The following NEB variants were observed in gnomAD, a reference collection of about 807,000 sequenced individuals.
NEB encodes the protein nemaline myopathy type 2.
In NEB, 512 loss-of-function variants were observed where a neutral mutation model predicts 952.2. The ratio of observed to expected loss-of-function variants is 0.54; its 90% CI spans 0.50 to 0.58. The LOEUF is 0.58. Among genes scored for constraint, NEB ranks in the 20% least tolerant of loss-of-function variants. NEB has a pLI of 0.00. For synonymous variants in NEB, 2,900 were observed against 3,149.8 expected (o/e 0.92, Z 2.66); for missense variants, 8,428 against 9,231.1 (o/e 0.91, Z 3.56).
At position 151,692,241 on chromosome 2, in the gene NEB, G is replaced by C. The variant is rs749649342; in HGVS notation, c.1998+20C>G. ...GTAGGAAAGCCCTCCTACCCGAAAGGTAACCGTGGCTTTTCGAACCTCACT... is the reference window on the plus strand; with the variant it reads ...GTAGGAAAGCCCTCCTACCCGAAAGCTAACCGTGGCTTTTCGAACCTCACT... On this transcript the variant is annotated intron_variant, in intron 21 of 181. Transcript: ENST00000397345. 6.2e-7 allele frequency: 1 copy of C among 1,611,208 alleles called. No homozygotes were observed. Among genetic ancestry groups the C allele is most frequent in the Non-Finnish European group, 8.5e-7 (1 of 1,177,426 alleles).
At chr2:151,488,847 G>T (rs2053560494) in intron 181 of NEB, among the ~76,000 whole-genome samples, 1 of 151,886 alleles carries the variant, frequency 6.6e-6, no homozygotes, top group African/African-American at 2.4e-5. Flanking sequence ...TTCTTTTAGG[G>T]TCTGTTTCTG....
chr2:151,654,227 G>A, intron 51 of NEB, 128 bp from the exon 52 acceptor site: 1 of 494,726 alleles, frequency 2.0e-6, no homozygotes. Context: ...TTAAAGATAT[G>A]GATAAAAATA....
intron 161 of NEB, among the ~76,000 whole-genome samples, chr2:151,510,873 C>T (rs2073701694): frequency 6.6e-6 from 1 of 152,116 alleles, no homozygotes; most frequent in Non-Finnish European, 1.5e-5. Flanking sequence ...TGTATTAACC[C>T]CCAAGTATGA....
chr2:151,638,135 G>T (rs976880968), intron 63 of NEB, among the ~76,000 whole-genome samples: 3 of 152,140 alleles, frequency 2.0e-5, no homozygotes, highest in East Asian at 1.9e-4. Flanking sequence ...ATTACCAAAC[G>T]CATAAATGCA....
chr2:151,635,772 C>T (rs1179998840), intron 64 of NEB, among the ~76,000 whole-genome samples: 1 of 151,854 alleles, frequency 6.6e-6, no homozygotes, highest in Non-Finnish European at 1.5e-5. Flanking sequence ...TGATCAACTG[C>T]CTTCTTTTCA....
chr2:151,576,486 A>T, intron 105 of NEB, 132 bp from the exon 106 acceptor site: 1 of 36,676 alleles, frequency 2.7e-5, no homozygotes. Context: ...ACATAAATAC[A>T]TATATATATA....
At chr2:151,612,849 A>AT (rs1029773369) in intron 77 of NEB, among the ~76,000 whole-genome samples, 1 of 152,178 alleles carries the variant, frequency 6.6e-6, no homozygotes, top group African/African-American at 2.4e-5. Context: ...TTTTTTGGGG[A>AT]TAAAAACGAC....
Position 151,569,295 on chromosome 2 carries a change from G to A in NEB, c.17508C>T (p.Ala5836=). The change falls in exon 110 of 182, where the codon GCC becomes GCT. Residue 5836 remains alanine, a synonymous_variant. Transcript: ENST00000397345. ...MPNDSVSVNH[A]KHAADIFSEK... ...CACTGAAGATGTCCGCGGCATGTTT[G>A]GCATGATTGACGGACACGGAGTCAT... The A allele has an allele frequency of 6.2e-7, 1 of 1,613,872 alleles. No homozygotes were observed. Among genetic ancestry groups the A allele is most frequent in the Middle Eastern group, 1.7e-4 (1 of 6,060 alleles).
Position 151,619,498 on chromosome 2 carries a change from G to T in NEB, c.10825C>A (p.Gln3609Lys). Residue 3609 changes from glutamine (Q) to lysine (K), a missense_variant, in exon 73 of 182, where the codon CAG becomes AAG. By Grantham distance (53) the Gln-to-Lys change is moderately conservative (BLOSUM62 1). Coordinates refer to ENST00000397345, the MANE Select transcript of NEB (RefSeq NM_001164508.2). ...TTCCGTGCATGAATGATGTCATTCT[G>T]GTCGGGCAGGCAGATCCATTCATGC... Reference protein sequence around the residue: ...PLHEWICLPDQNDIIHARKAY... With the variant: ...PLHEWICLPDKNDIIHARKAY... 1.2e-6 allele frequency: 2 copies of T among 1,613,058 alleles called. No homozygotes were observed. Among genetic ancestry groups the T allele is most frequent in the Non-Finnish European group, 1.7e-6 (2 of 1,179,144 alleles).
At chr2:151,645,041 T>G (rs889880481) in intron 55 of NEB, among the ~76,000 whole-genome samples, 17 of 152,136 alleles carry the variant, frequency 1.1e-4, no homozygotes, top group African/African-American at 4.1e-4. Context: ...TAGCTAAACA[T>G]GGAAAAGATA....
chr2:151,729,745 C>A (rs2099801161), intron 3 of NEB, 89 bp from the exon 4 acceptor site: 3 of 1,329,048 alleles, frequency 2.3e-6, no homozygotes, highest in Non-Finnish European at 3.2e-6. Flanking sequence ...GGTGACTGCA[C>A]TAGCTCGGTT....
chr2:151,573,534 C>T (rs1434394082), intron 107 of NEB, among the ~76,000 whole-genome samples: 2 of 152,132 alleles, frequency 1.3e-5, no homozygotes, highest in Non-Finnish European at 2.9e-5. Flanking sequence ...TACATCAGCG[C>T]CCTAAAATTA....
rs2096240787 is a variant in NEB, at chr2:151,563,944, A to G, written c.18472-14T>C. ...TTTATACAGTATCTAGAACAAAGAA[A>G]TACATGGCAACAAAAGTTTTCTTTC... On this transcript the variant is annotated splice_polypyrimidine_tract_variant and intron_variant, in intron 117 of 181. Coordinates refer to ENST00000397345, the MANE Select transcript of NEB (RefSeq NM_001164508.2). 4.5e-6 allele frequency: 7 copies of G among 1,562,282 alleles called. No individual in the cohort carries two copies. Among genetic ancestry groups the G allele is most frequent in the Admixed American group, 1.9e-5 (1 of 53,876 alleles).
In NEB at chr2:151,619,544, A is replaced by G. The variant is rs2154022301; in HGVS notation, c.10779T>C (p.Asp3593=). The G allele has an allele frequency of 1.9e-6, 3 of 1,613,984 alleles. No individual in the cohort carries two copies. The highest frequency in any genetic ancestry group is 2.2e-5 in the South Asian group (2 of 91,090). ...LAKKCQTLVS[D]VDYKHPLHEW... ...CATGCAGAGGATGTTTATAGTCCACATCGCTGACCAAGGTCTGACACTTCT... is the reference window on the plus strand; with the variant it reads ...CATGCAGAGGATGTTTATAGTCCACGTCGCTGACCAAGGTCTGACACTTCT... The change falls in exon 73 of 182, where the codon GAT becomes GAC. Residue 3593 remains aspartate (D), a synonymous_variant. Coordinates refer to ENST00000397345, the MANE Select transcript of NEB (RefSeq NM_001164508.2).
At chr2:151,652,924 T>G (rs938056386) in intron 52 of NEB, among the ~76,000 whole-genome samples, 4 of 152,222 alleles carry the variant, frequency 2.6e-5, no homozygotes, top group African/African-American at 9.6e-5. Flanking sequence ...ACATCATTAT[T>G]GCTTTAGGCT....
chr2:151,503,085 G>A lies in NEB; in HGVS notation c.23836-200C>T, dbSNP rs1175437766. The A allele has an allele frequency of 1.2e-5, 7 of 581,448 alleles. No individual in the cohort carries two copies. The Admixed American group carries it at 2.4e-4, about 20-fold the overall frequency. 36.0% of individuals were successfully genotyped at this position (581,448 alleles called of 1,614,324 possible). A position where few individuals can be genotyped will look rare whatever the true frequency, so the allele number is the denominator to read the frequency against. On this transcript the variant is annotated intron_variant, in intron 166 of 181. Coordinates refer to ENST00000397345, the MANE Select transcript of NEB (RefSeq NM_001164508.2). ...ATTCTGGAAATGAAAAAGTACAATG[G>A]AAAGCATTAAGTTATATAACGCTGA...
intron 63 of NEB, among the ~76,000 whole-genome samples, chr2:151,636,997 C>CT (rs1403849880): frequency 4.6e-5 from 7 of 152,080 alleles, no homozygotes; most frequent in Admixed American, 3.9e-4. Flanking sequence ...GAGGGAAAGG[C>CT]TTAACTGTTG....
intron 172 of NEB, 100 bp from the exon 173 acceptor site, chr2:151,496,468 G>T (rs2060239304): frequency 6.8e-7 from 1 of 1,471,756 alleles, no homozygotes; most frequent in African/African-American, 1.4e-5. Context: ...AGAAAACACA[G>T]TCGTCCAAGG....
chr2:151,716,453 A>G (rs925169741), intron 10 of NEB, among the ~76,000 whole-genome samples: 4 of 152,166 alleles, frequency 2.6e-5, no homozygotes, highest in Non-Finnish European at 4.4e-5. Flanking sequence ...AAAACTTTCA[A>G]TGGATCATGT....
Sources: allele counts gnomAD v4.1 joint callset (sites outside exome capture counted in the v4.1 genomes callset), GRCh38; gene constraint gnomAD v4.1.1; transcripts MANE v1.5; gene names NCBI Gene and HGNC (gene_info 2026-07-23, HGNC 2026-07-21).